LARGE1: variants seen among roughly 807,000 people sequenced by gnomAD.
LARGE1 encodes LARGE xylosyl- and glucuronyltransferase 1.
Under a neutral mutation model 87.6 loss-of-function variants are expected in LARGE1, and 43 were observed. The ratio of observed to expected loss-of-function variants is 0.49; its 90% confidence interval spans 0.38 to 0.63. The LOEUF is 0.63. Ranked by LOEUF, LARGE1 falls within the 30% of genes least tolerant of loss-of-function variation. The probability of loss-of-function intolerance (pLI) is 0.00; values close to 1 mark genes in which losing one functional copy is unlikely to be tolerated. For missense variants in LARGE1, 802 were observed against 1,000.2 expected (o/e 0.80, Z 2.67); for synonymous variants, 434 against 394.6 (o/e 1.10, Z -1.18).
At chr22:33,780,924 G>A (rs2085399270) in intron 1 of LARGE1, among the ~76,000 whole-genome samples, 2 of 152,198 alleles carry the variant, frequency 1.3e-5, no homozygotes, top group Non-Finnish European at 2.9e-5. Context: ...TAAACACTCT[G>A]GTTAATAAGT....
intron 1 of LARGE1, among the ~76,000 whole-genome samples, chr22:33,768,685 G>T (rs780321529): frequency 6.6e-6 from 1 of 151,940 alleles, no homozygotes; most frequent in Non-Finnish European, 1.5e-5. Context: ...CTCTTCATTC[G>T]ACTAAAACCC....
At chr22:33,361,615 AAG>A (rs1298853486) in intron 9 of LARGE1, among the ~76,000 whole-genome samples, 1 of 148,170 alleles carries the variant, frequency 6.7e-6, no homozygotes, top group African/African-American at 2.5e-5. Flanking sequence ...ATGGGGAAGG[AAG>A]AGAGTTCAGG....
chr22:33,100,296 C>T, the LARGE1 span, among the ~76,000 whole-genome samples: 1 of 138,108 alleles, frequency 7.2e-6, no homozygotes, highest in East Asian at 2.1e-4. Flanking sequence ...TGCAGTGAGC[C>T]GAGATATTGC....
chr22:33,706,284 AC>A (rs1380137348), intron 2 of LARGE1, among the ~76,000 whole-genome samples: 6 of 151,966 alleles, frequency 3.9e-5, no homozygotes, highest in Non-Finnish European at 7.4e-5. Context: ...CTCAGCCCAC[AC>A]CCCCACACAA....
intron 3 of LARGE1, among the ~76,000 whole-genome samples, chr22:33,649,350 G>A (rs1167986772): frequency 2.6e-5 from 4 of 152,106 alleles, no homozygotes; most frequent in Non-Finnish European, 4.4e-5. Context: ...AGTTTGCAAA[G>A]CATTCTCTTT....
intron 5 of LARGE1, among the ~76,000 whole-genome samples, chr22:33,598,973 A>C (rs1384597820): frequency 6.6e-6 from 1 of 152,202 alleles, no homozygotes; most frequent in Non-Finnish European, 1.5e-5. Flanking sequence ...TGGTTGAGTA[A>C]GTGATTCTTA....
rs1351434582 is a variant in LARGE1 at position 33,375,775 on chromosome 22, T to C, written c.1131+6144A>G. 7.2e-5 allele frequency among the ~76,000 whole-genome samples: 11 copies of C among 152,272 alleles called. No individual in the cohort carries two copies. In the East Asian group the frequency reaches 2.1e-3, roughly 29 times the overall value. ...TTTTATTTATTTTTTTGAGACATGG[T>C]TTCTCTCTGTCACTCAGGCTGGAGT... On this transcript the variant is annotated intron_variant, in intron 9 of 14. Transcript: ENST00000397394.
chr22:33,306,080 G>A (rs1015019282), intron 11 of LARGE1, among the ~76,000 whole-genome samples: 26 of 152,022 alleles, frequency 1.7e-4, no homozygotes, highest in Non-Finnish European at 1.3e-4. Flanking sequence ...TCCTGACCTC[G>A]TGATCCGCCC....
At chr22:33,887,324 C>G (rs1418828637) in intron 1 of LARGE1, among the ~76,000 whole-genome samples, 1 of 152,160 alleles carries the variant, frequency 6.6e-6, no homozygotes, top group African/African-American at 2.4e-5. Flanking sequence ...CCTTCTTTCA[C>G]GTAAGGACGC....
intron 1 of LARGE1, among the ~76,000 whole-genome samples, chr22:33,789,224 T>C (rs1442514041): frequency 1.3e-5 from 2 of 152,164 alleles, no homozygotes; most frequent in African/African-American, 4.8e-5. Context: ...GCTCAGGCCA[T>C]TGCTTCGGAG....
At chr22:33,260,194 C>G (rs1347878213) in intron 11 of LARGE1, among the ~76,000 whole-genome samples, 1 of 152,352 alleles carries the variant, frequency 6.6e-6, no homozygotes, top group Non-Finnish European at 1.5e-5. Context: ...TTCCCACCCC[C>G]CTGCCTCCTG....
intron 6 of LARGE1, among the ~76,000 whole-genome samples, chr22:33,479,404 G>A (rs763479340): frequency 3.3e-5 from 5 of 152,168 alleles, no homozygotes; most frequent in African/African-American, 4.8e-5. Context: ...GAAGGAAGAG[G>A]GAAAGGGAAG....
chr22:33,285,053 G>A (rs1467530917), intron 12 of LARGE1, among the ~76,000 whole-genome samples: 1 of 152,152 alleles, frequency 6.6e-6, no homozygotes, highest in Non-Finnish European at 1.5e-5. Context: ...ACTGCCACTT[G>A]GCACACCTGG....
chr22:33,703,655 T>C (rs2082468347), intron 2 of LARGE1, among the ~76,000 whole-genome samples: 1 of 152,092 alleles, frequency 6.6e-6, no homozygotes, highest in African/African-American at 2.4e-5. Context: ...ATTTTGTGGA[T>C]GGAGGATGGG....
chr22:33,207,599 G>A (rs1040538779), intron 11 of LARGE1, among the ~76,000 whole-genome samples: 7 of 152,160 alleles, frequency 4.6e-5, no homozygotes, highest in Non-Finnish European at 7.3e-5. Context: ...GTTTCCACAT[G>A]GCCCATTGAA....
chr22:33,693,746 C>T (rs1417081930), intron 2 of LARGE1, among the ~76,000 whole-genome samples: 1 of 152,130 alleles, frequency 6.6e-6, no homozygotes, highest in Non-Finnish European at 1.5e-5. Flanking sequence ...ATCACTTGAA[C>T]CCCGGAGGCG....
At chr22:33,095,447 C>T in the LARGE1 span, among the ~76,000 whole-genome samples, 796 of 152,302 alleles carry the variant, frequency 5.2e-3, 3 homozygotes, top group Non-Finnish European at 8.2e-3. Flanking sequence ...AGGGTCCACC[C>T]TACTCCAATA....
chr22:33,442,994 G>A (rs1258347081), intron 6 of LARGE1, among the ~76,000 whole-genome samples: 5 of 151,994 alleles, frequency 3.3e-5, no homozygotes, highest in South Asian at 4.1e-4. Context: ...GGTTTTCACC[G>A]TGTTAGCCAG....
chr22:33,370,808 A>C (rs9607036), intron 9 of LARGE1, among the ~76,000 whole-genome samples: 2 of 149,754 alleles, frequency 1.3e-5, no homozygotes, highest in Non-Finnish European at 3.0e-5. Flanking sequence ...ATCATTAAAT[A>C]CCATCAATAA....
Sources: allele counts gnomAD v4.1 joint callset (sites outside exome capture counted in the v4.1 genomes callset), GRCh38; gene constraint gnomAD v4.1.1; transcripts MANE v1.5; gene names NCBI Gene and HGNC (gene_info 2026-07-23, HGNC 2026-07-21).